Variants in MEGF10 observed in about 807,000 individuals in gnomAD.
MEGF10 encodes the protein multiple EGF like domains 10, also known as multiple epidermal growth factor-like domains protein 10.
MEGF10 carries 86 observed loss-of-function variants against 147.5 expected under a neutral mutation model. That is an observed-to-expected ratio of 0.58 (90% CI 0.49 to 0.70). The LOEUF is 0.70. Among genes scored for constraint, MEGF10 ranks in the 30% least tolerant of loss-of-function variants. The pLI is 0.00. For synonymous variants in MEGF10, 478 were observed against 525.5 expected (o/e 0.91, Z 1.24); for missense variants, 1,329 against 1,487.3 (o/e 0.89, Z 1.75).
chr5:127,418,130 A>G (rs776480557), intron 10 of MEGF10, among the ~76,000 whole-genome samples: 1 of 152,204 alleles, frequency 6.6e-6, no homozygotes, highest in East Asian at 1.9e-4. Flanking sequence ...TTACTTTTCC[A>G]AGTAGATTAT....
intron 9 of MEGF10, among the ~76,000 whole-genome samples, chr5:127,413,599 G>A (rs1764650625): frequency 6.6e-6 from 1 of 152,148 alleles, no homozygotes; most frequent in Admixed American, 6.5e-5. Flanking sequence ...TCCCATATGT[G>A]TATAATCCTA....
upstream of MEGF10, among the ~76,000 whole-genome samples, chr5:127,286,883 A>G (rs114506346): frequency 4.8e-3 from 730 of 152,106 alleles, 7 homozygotes; most frequent in African/African-American, 0.017. Context: ...TTTAATGAGT[A>G]TAGACACAAA....
At chr5:127,379,513 C>A (rs974706389) in intron 5 of MEGF10, among the ~76,000 whole-genome samples, 1 of 151,894 alleles carries the variant, frequency 6.6e-6, no homozygotes, top group South Asian at 2.1e-4. Context: ...GGAACACACT[C>A]GTCTTATTTT....
At chr5:127,234,195 A>G in the MEGF10 span, among the ~76,000 whole-genome samples, 1 of 152,162 alleles carries the variant, frequency 6.6e-6, no homozygotes, top group Non-Finnish European at 1.5e-5. Flanking sequence ...CACCTCCAAC[A>G]CGATGTATCT....
intron 1 of MEGF10, 51 bp from the exon 2 acceptor site, chr5:127,331,240 T>G: frequency 1.0e-6 from 1 of 954,932 alleles, no homozygotes. Flanking sequence ...AAAAGAATTC[T>G]GTGTGAGTCA....
At chr5:127,268,743 G>T in the MEGF10 span, among the ~76,000 whole-genome samples, 3 of 152,182 alleles carry the variant, frequency 2.0e-5, no homozygotes, top group Admixed American at 1.3e-4. Context: ...GAGAGTAGTG[G>T]TTCTCCTAGC....
chr5:127,365,979 C>T (rs1471172621), intron 4 of MEGF10, among the ~76,000 whole-genome samples: 1 of 152,084 alleles, frequency 6.6e-6, no homozygotes, highest in Non-Finnish European at 1.5e-5. Flanking sequence ...CCTCTGTTCC[C>T]TTTTTTCTTT....
intron 7 of MEGF10, among the ~76,000 whole-genome samples, chr5:127,402,305 C>T (rs750850169): frequency 1.5e-4 from 23 of 152,186 alleles, no homozygotes; most frequent in Non-Finnish European, 2.8e-4. Context: ...CTTAACATTA[C>T]TATTCAGCCG....
At chr5:127,244,287 TGA>T in the MEGF10 span, among the ~76,000 whole-genome samples, 1 of 141,906 alleles carries the variant, frequency 7.0e-6, no homozygotes, top group Non-Finnish European at 1.5e-5. Flanking sequence ...GCAGGAAAGA[TGA>T]AAGCAAAAGA....
Position 127,333,525 on chromosome 5 carries a change from T to A in MEGF10, c.116+2101T>A, listed in dbSNP as rs573823115. Among the ~76,000 whole-genome samples the A allele has an allele frequency of 1.2e-3, 177 of 148,796 alleles. 1 individual carries two copies. Among genetic ancestry groups the A allele is most frequent in the Admixed American group, 3.7e-3 (55 of 15,000 alleles). ...GACCCTGCCTCAAAAAAAATAAAAA[T>A]AAAAATAAAAAAAGAGAGAGAGAGA... On this transcript the variant is annotated intron_variant, in intron 2 of 24. Coordinates refer to ENST00000503335, the MANE Select transcript of MEGF10 (RefSeq NM_001256545.2).
At position 127,438,582 on chromosome 5, in the gene MEGF10, T is replaced by G. The variant is rs766285419; in HGVS notation, c.2233+15T>G. The G allele has an allele frequency of 7.4e-6, 12 of 1,612,822 alleles. No homozygotes were observed. Among genetic ancestry groups the G allele is most frequent in the Middle Eastern group, 1.7e-4 (1 of 6,016 alleles). ...CTGCACTCAGAGTAAGTGACAAGCC[T>G]TCTGAGGCTCACCAAGGGGAGCCTT... On this transcript the variant is annotated intron_variant, in intron 17 of 24. Transcript: ENST00000503335.
intron 5 of MEGF10, among the ~76,000 whole-genome samples, chr5:127,388,465 C>T (rs6595764): frequency 0.18 from 27,415 of 151,486 alleles, 2,639 homozygotes; most frequent in African/African-American, 0.25. Context: ...GAATTATTAT[C>T]AACTTCTAGA....
At chr5:127,356,315 C>G (rs569136552) in intron 4 of MEGF10, among the ~76,000 whole-genome samples, 21 of 152,288 alleles carry the variant, frequency 1.4e-4, no homozygotes, top group Non-Finnish European at 2.9e-5. Flanking sequence ...CTGGTAGAAT[C>G]AATGCTGCAC....
chr5:127,388,041 G>A (rs1763499329), intron 5 of MEGF10, among the ~76,000 whole-genome samples: 1 of 152,198 alleles, frequency 6.6e-6, no homozygotes, highest in Non-Finnish European at 1.5e-5. Context: ...TGCCAGCCAT[G>A]TGCCAGGTAC....
intron 5 of MEGF10, among the ~76,000 whole-genome samples, chr5:127,391,576 A>T (rs1207488359): frequency 2.7e-5 from 4 of 149,872 alleles, no homozygotes; most frequent in Admixed American, 6.6e-5. Flanking sequence ...TCTAAAATAA[A>T]AAAAAAAAAA....
intron 5 of MEGF10, among the ~76,000 whole-genome samples, chr5:127,391,108 A>T (rs866765252): frequency 3.2e-5 from 1 of 30,860 alleles, no homozygotes; most frequent in Non-Finnish European, 1.3e-4. Context: ...GCGCGCACAC[A>T]CACACACACA....
At position 127,455,402 on chromosome 5, in the gene MEGF10, C is replaced by G. The variant is rs1268068397; in HGVS notation, c.3027C>G (p.Asp1009Glu). The change falls in exon 24 of 25, where the codon GAC (aspartate) becomes GAG (glutamate). Residue 1009 changes from aspartate (D) to glutamate (E), a missense_variant and splice_region_variant. Transcript: ENST00000503335. ...TTCTCTTCTCATTTCTCTTCACAGA[C>G]CTGGGAAAGAATTCTGAATATAATT... ...DRSYMGKSLKDLGKNSEYNSS... is the reference protein window; with the variant it reads ...DRSYMGKSLKELGKNSEYNSS... The G allele has an allele frequency of 6.2e-7, 1 of 1,613,098 alleles. No individual in the cohort carries two copies. Among genetic ancestry groups the G allele is most frequent in the Non-Finnish European group, 8.5e-7 (1 of 1,179,384 alleles).
At chr5:127,348,406 A>G (rs1174105722) in intron 4 of MEGF10, among the ~76,000 whole-genome samples, 1 of 152,114 alleles carries the variant, frequency 6.6e-6, no homozygotes, top group East Asian at 1.9e-4. Flanking sequence ...TAAATGTAGA[A>G]TTATTTTTAT....
intron 5 of MEGF10, among the ~76,000 whole-genome samples, chr5:127,384,212 G>A (rs1481552599): frequency 6.6e-6 from 1 of 152,172 alleles, no homozygotes; most frequent in Non-Finnish European, 1.5e-5. Flanking sequence ...TCTTCCAATA[G>A]ATAAGGAAAT....
Sources: gnomAD v4.1 joint callset for allele counts (sites outside exome capture counted in the v4.1 genomes callset) on GRCh38, gnomAD v4.1.1 for gene constraint, MANE v1.5 for transcripts, NCBI Gene and HGNC (gene_info 2026-07-23, HGNC 2026-07-21) for gene names.